DTNA: variants seen among roughly 807,000 people sequenced by gnomAD.
DTNA encodes dystrophin-related protein 3.
A neutral mutation model predicts 100.7 loss-of-function variants in DTNA; 43 were observed. The observed-to-expected ratio is 0.43, with a 90% CI of 0.33 to 0.55. The LOEUF is 0.55. Among genes scored for constraint, DTNA ranks in the 20% least tolerant of loss-of-function variants. The pLI is 0.04. For missense variants in DTNA, 798 were observed against 953.9 expected (o/e 0.84, Z 2.15); for synonymous variants, 349 against 347.9 (o/e 1.00, Z -0.04).
intron 1 of DTNA, among the ~76,000 whole-genome samples, chr18:34,683,893 C>T (rs1482773850): frequency 1.3e-5 from 2 of 151,986 alleles, no homozygotes; most frequent in African/African-American, 4.8e-5. Context: ...ATATATACTA[C>T]ATAATATGTA....
At chr18:34,561,646 G>A (rs751969273) in intron 1 of DTNA, among the ~76,000 whole-genome samples, 11 of 152,008 alleles carry the variant, frequency 7.2e-5, no homozygotes, top group Non-Finnish European at 1.5e-5. Context: ...GGCCTTATTT[G>A]CTTGTCTTCT....
At chr18:34,634,728 T>C (rs1197514341) in intron 1 of DTNA, among the ~76,000 whole-genome samples, 2 of 152,188 alleles carry the variant, frequency 1.3e-5, no homozygotes, top group East Asian at 3.8e-4. Flanking sequence ...ATATAAATTG[T>C]ATACTATATA....
At position 34,761,126 on chromosome 18, in the gene DTNA, T is replaced by TCACA. The variant is rs6146260; in HGVS notation, c.68-4794_68-4791dup. ...GTATCTCTCTCTCTCCCTCCATCCT[T>TCACA]CACACACACACACACACACACACAC... On this transcript the variant is annotated intron_variant, in intron 2 of 22. Coordinates refer to ENST00000444659, the MANE Select transcript of DTNA (RefSeq NM_001386795.1). Among the ~76,000 whole-genome samples, 1,007 of 149,236 alleles carry TCACA rather than the reference T, an allele frequency of 6.7e-3. 6 individuals are homozygous for TCACA. The highest frequency in any genetic ancestry group is 0.024 in the African/African-American group (952 of 39,970).
chr18:34,877,942 C>A, intron 19 of DTNA, 134 bp downstream of exon 19: 1 of 878,486 alleles, frequency 1.1e-6, no homozygotes, highest in Admixed American at 2.4e-5. Flanking sequence ...TTTTGTTGGT[C>A]TATTCAGATT....
At chr18:34,782,071 T>C (rs1334004049) in intron 3 of DTNA, among the ~76,000 whole-genome samples, 3 of 152,250 alleles carry the variant, frequency 2.0e-5, no homozygotes, top group Non-Finnish European at 2.9e-5. Flanking sequence ...TAAAGCCTTG[T>C]GGAGCTTTCT....
intron 22 of DTNA, among the ~76,000 whole-genome samples, chr18:34,887,010 G>C (rs2096927644): frequency 6.6e-6 from 1 of 152,114 alleles, no homozygotes; most frequent in Non-Finnish European, 1.5e-5. Context: ...CTTATCCAAG[G>C]GTTCTGAAGC....
chr18:34,632,030 T>G lies in DTNA; in HGVS notation c.-1-123946T>G, dbSNP rs148495955. 2.2e-3 allele frequency among the ~76,000 whole-genome samples: 332 copies of G among 152,334 alleles called. 3 individuals carry two copies. The highest frequency in any genetic ancestry group is 4.1e-3 in the Non-Finnish European group (277 of 68,030). On this transcript the variant is annotated intron_variant, in intron 1 of 19. Coordinates refer to the DTNA transcript ENST00000283365. ...ATTATTATCTTGGTGTCTCATAACA[T>G]TTTCAATTTAATATGCTTTTAGTTA...
At chr18:34,563,832 TA>T (rs1417157605) in intron 1 of DTNA, among the ~76,000 whole-genome samples, 1 of 152,190 alleles carries the variant, frequency 6.6e-6, no homozygotes, top group Non-Finnish European at 1.5e-5. Flanking sequence ...TTTTCAAATA[TA>T]AATTATGGTT....
At chr18:34,805,039 C>T (rs1472562921) in intron 4 of DTNA, among the ~76,000 whole-genome samples, 1 of 152,100 alleles carries the variant, frequency 6.6e-6, no homozygotes, top group East Asian at 1.9e-4. Flanking sequence ...CCAATACAAG[C>T]TTTACTTACC....
intron 1 of DTNA, among the ~76,000 whole-genome samples, chr18:34,753,357 A>ATTTTTTTTTTTTTTTT (rs869151386): frequency 5.0e-4 from 1 of 2,018 alleles, no homozygotes; most frequent in African/African-American, 1.0e-3. Flanking sequence ...TTATTTATTT[A>ATTTTTTTTTTTTTTTT]TTTATTTTAT....
chr18:34,597,309 G>T (rs1395787422), intron 1 of DTNA, among the ~76,000 whole-genome samples: 1 of 151,948 alleles, frequency 6.6e-6, no homozygotes, highest in East Asian at 1.9e-4. Context: ...ACTCTTTCTG[G>T]TTTCTCTTGG....
chr18:34,721,888 G>T (rs1483288226), intron 1 of DTNA, among the ~76,000 whole-genome samples: 1 of 152,048 alleles, frequency 6.6e-6, no homozygotes, highest in Non-Finnish European at 1.5e-5. Flanking sequence ...TCTTCCCCTG[G>T]CTAATGCTCT....
At chr18:34,723,680 C>A (rs2085901966) in intron 1 of DTNA, among the ~76,000 whole-genome samples, 1 of 152,138 alleles carries the variant, frequency 6.6e-6, no homozygotes, top group Non-Finnish European at 1.5e-5. Context: ...AGGTAGATCA[C>A]CTGATGTCAG....
At chr18:34,644,099 C>G (rs1050919068) in intron 1 of DTNA, among the ~76,000 whole-genome samples, 1 of 152,086 alleles carries the variant, frequency 6.6e-6, no homozygotes, top group African/African-American at 2.4e-5. Context: ...TAAGCTAAAT[C>G]TCTTTTGAGT....
chr18:34,673,286 T>C (rs2076995699), intron 1 of DTNA, among the ~76,000 whole-genome samples: 1 of 151,978 alleles, frequency 6.6e-6, no homozygotes, highest in Non-Finnish European at 1.5e-5. Flanking sequence ...TTATTATTTT[T>C]TCTCTATACA....
intron 1 of DTNA, among the ~76,000 whole-genome samples, chr18:34,634,534 A>G (rs1369265100): frequency 6.6e-6 from 1 of 152,174 alleles, no homozygotes; most frequent in Non-Finnish European, 1.5e-5. Flanking sequence ...TTGCTTCTGC[A>G]TTTGATCTGT....
At chr18:34,678,416 T>C (rs948807634) in intron 1 of DTNA, among the ~76,000 whole-genome samples, 1 of 152,058 alleles carries the variant, frequency 6.6e-6, no homozygotes, top group Non-Finnish European at 1.5e-5. Flanking sequence ...AAGGCACCCA[T>C]CACCCAGCAA....
chr18:34,681,695 AACACACACACACACACACAC>A (rs71813996), intron 1 of DTNA, among the ~76,000 whole-genome samples: 1 of 142,904 alleles, frequency 7.0e-6, no homozygotes, highest in Non-Finnish European at 1.5e-5. Context: ...CCCTATACAC[AACACACACACACACACACAC>A]ACACACACAC....
Position 34,866,875 on chromosome 18 carries a change from C to CT in DTNA, c.1743+2825dup, listed in dbSNP as rs778058745. 40,319 of 524,534 alleles carry CT rather than the reference C, an allele frequency of 0.077. 2 individuals are homozygous for CT. Among genetic ancestry groups the CT allele is most frequent in the Middle Eastern group, 0.094 (117 of 1,246 alleles). The allele number at this position is 524,534 out of a possible 1,614,324, so 32.5% of individuals were successfully genotyped here. On this transcript the variant is annotated intron_variant, in intron 17 of 22. Transcript: ENST00000444659. ...CGGGAGACGAGAGGGTCATTACATA[C>CT]TTTTTTTTTTTTCTGGAAATAGGGG...
Sources: allele counts gnomAD v4.1 joint callset (sites outside exome capture counted in the v4.1 genomes callset), GRCh38; gene constraint gnomAD v4.1.1; transcripts MANE v1.5; gene names NCBI Gene and HGNC (gene_info 2026-07-23, HGNC 2026-07-21).